RABEPK: variants seen among roughly 807,000 people sequenced by gnomAD.
RABEPK encodes the protein 40 kDa Rab9 effector protein.
In RABEPK, 27 loss-of-function variants were observed where a neutral mutation model predicts 34.1. The observed-to-expected ratio is 0.79, with a 90% confidence interval of 0.58 to 1.09. RABEPK has a LOEUF of 1.09. RABEPK is among the 50% of genes least tolerant of loss of function. RABEPK has a pLI of 0.00. For synonymous variants in RABEPK, 172 were observed against 169.2 expected, an observed-to-expected ratio of 1.02 and a Z score of -0.13; for missense variants, 449 against 462.6, an observed-to-expected ratio of 0.97 and a Z score of 0.27.
chr9:125,210,892 C>T (rs1830551123), intron 3 of RABEPK, among the ~76,000 whole-genome samples: 1 of 141,178 alleles, frequency 7.1e-6, no homozygotes, highest in Non-Finnish European at 1.5e-5. Context: ...GGCTGGAGTG[C>T]AGAGGCACGA....
At chr9:125,232,347 T>A (rs1380790034) in intron 6 of RABEPK, among the ~76,000 whole-genome samples, 1 of 152,160 alleles carries the variant, frequency 6.6e-6, no homozygotes, top group Non-Finnish European at 1.5e-5. Flanking sequence ...CACATTTCTG[T>A]GTGATCCAAA....
At chr9:125,224,507 C>T (rs1423560526) in intron 5 of RABEPK, among the ~76,000 whole-genome samples, 4 of 147,210 alleles carry the variant, frequency 2.7e-5, no homozygotes, top group Non-Finnish European at 3.0e-5. Flanking sequence ...GGCTGGAGTG[C>T]AATGACACAA....
intron 1 of RABEPK, 63 bp from the exon 2 acceptor site, chr9:125,202,945 G>A (rs1165890971): frequency 1.5e-6 from 2 of 1,335,526 alleles, no homozygotes; most frequent in Non-Finnish European, 2.1e-6. Flanking sequence ...TTAAAAAGGA[G>A]GTTGAATTGA....
chr9:125,219,859 T>G (rs1351205321), intron 4 of RABEPK, among the ~76,000 whole-genome samples: 1 of 152,066 alleles, frequency 6.6e-6, no homozygotes, highest in African/African-American at 2.4e-5. Flanking sequence ...TGGCCACATT[T>G]TCTGGGAAAT....
At position 125,228,040 on chromosome 9, in the gene RABEPK, C is replaced by A. The variant is rs372608727; in HGVS notation, c.657C>A (p.Asp219Glu). The change falls in exon 6 of 8, where the codon GAC (aspartate) becomes GAA (glutamate). Residue 219 changes from aspartate (D) to glutamate (E), a missense_variant. Coordinates refer to ENST00000373538, the MANE Select transcript of RABEPK (RefSeq NM_005833.4). ...TGGCGGGGGACAGATTCTATGATGACCTCCACTGCATTGATATAAGTAAGC... is the reference window on the plus strand; with the variant it reads ...TGGCGGGGGACAGATTCTATGATGAACTCCACTGCATTGATATAAGTAAGC... ...GGLAGDRFYD[D>E]LHCIDISDMK... 4 of 1,598,538 alleles carry A rather than the reference C, an allele frequency of 2.5e-6. No homozygotes were observed. The highest frequency in any genetic ancestry group is 2.3e-5 in the East Asian group (1 of 43,926).
chr9:125,207,013 CG>C (rs1481473983), intron 2 of RABEPK, among the ~76,000 whole-genome samples: 42 of 151,354 alleles, frequency 2.8e-4, no homozygotes, highest in South Asian at 1.5e-3. Flanking sequence ...CGCTTGAACC[CG>C]GGAGGCGGAG....
chr9:125,220,364 T>A (rs1831237103), intron 4 of RABEPK, 175 bp from the exon 5 acceptor site: 2 of 1,461,772 alleles, frequency 1.4e-6, no homozygotes, highest in Admixed American at 5.5e-5. Context: ...TCTTGGCAAA[T>A]CCTAAGTATC....
intron 2 of RABEPK, among the ~76,000 whole-genome samples, chr9:125,207,303 C>T (rs1374502300): frequency 1.3e-5 from 2 of 152,118 alleles, no homozygotes; most frequent in Admixed American, 1.3e-4. Flanking sequence ...GTTTCCCTAT[C>T]TACCAAATGG....
intron 6 of RABEPK, 127 bp from the exon 7 acceptor site, chr9:125,232,469 G>A: frequency 9.5e-7 from 1 of 1,058,166 alleles, no homozygotes; most frequent in Non-Finnish European, 1.3e-6. Context: ...ATTCTTATGT[G>A]CACTAAACCT....
chr9:125,207,467 C>A, intron 2 of RABEPK, 97 bp from the exon 3 acceptor site: 2 of 1,298,284 alleles, frequency 1.5e-6, no homozygotes, highest in South Asian at 1.3e-5. Flanking sequence ...CTGCATAAGG[C>A]TCTTCATTCT....
Position 125,212,994 on chromosome 9 carries a change from A to G in RABEPK, c.212-376A>G, listed in dbSNP as rs1450276054. Reference sequence around the variant, plus strand: ...ATACAGGCGTGTTTCAAAGAATTCAAGGACAGGAAGTAGAGCCCAGGATCA... The same window carrying G: ...ATACAGGCGTGTTTCAAAGAATTCAGGGACAGGAAGTAGAGCCCAGGATCA... On this transcript the variant is annotated intron_variant, in intron 3 of 7. Coordinates refer to ENST00000373538, the MANE Select transcript of RABEPK (RefSeq NM_005833.4). 3.3e-5 allele frequency among the ~76,000 whole-genome samples: 5 copies of G among 152,148 alleles called. No individual in the cohort carries two copies. The East Asian group carries it at 9.6e-4, about 29-fold the overall frequency.
At chr9:125,223,288 A>C (rs1451453177) in intron 5 of RABEPK, among the ~76,000 whole-genome samples, 1 of 151,640 alleles carries the variant, frequency 6.6e-6, no homozygotes, top group Admixed American at 6.6e-5. Flanking sequence ...AAATACAAAA[A>C]ATTAGCTGGA....
intron 7 of RABEPK, 99 bp from the exon 8 acceptor site, chr9:125,233,589 G>T: frequency 7.9e-7 from 1 of 1,272,480 alleles, no homozygotes; most frequent in Admixed American, 2.1e-5. Flanking sequence ...TGATCCACCC[G>T]CTTCGGCCTC....
intron 3 of RABEPK, among the ~76,000 whole-genome samples, chr9:125,212,223 TTTTGTTTG>T (rs941360051): frequency 3.1e-4 from 47 of 151,990 alleles, no homozygotes; most frequent in Non-Finnish European, 5.9e-4. Flanking sequence ...GGTTAGGGTT[TTTTGTTTG>T]TTTGTTTGTT....
At chr9:125,205,515 A>G (rs1248917371) in intron 2 of RABEPK, among the ~76,000 whole-genome samples, 1 of 152,140 alleles carries the variant, frequency 6.6e-6, no homozygotes, top group Admixed American at 6.6e-5. Flanking sequence ...TGTCTTTGAA[A>G]CGGAGTCTCA....
chr9:125,219,777 C>T (rs76441998), intron 4 of RABEPK, among the ~76,000 whole-genome samples: 2,001 of 152,200 alleles, frequency 0.013, 22 homozygotes, highest in Non-Finnish European at 0.02. Flanking sequence ...AGCAATCCTC[C>T]TACCTCGATT....
Position 125,234,012 on chromosome 9 carries a change from C to T in RABEPK, c.*32C>T, listed in dbSNP as rs879052521. On this transcript the variant is annotated 3_prime_UTR_variant, in exon 8 of 8. Transcript: ENST00000373538. The stretch of plus-strand genomic sequence containing the variant: ...CCACATTTTTATTACCTGTCAGTTA[C>T]TTTCAGAATAGTTAAGTAAAACATT... 1 of 1,524,704 alleles carries T rather than the reference C, an allele frequency of 6.6e-7. No homozygotes were observed. Among genetic ancestry groups the T allele is most frequent in the Admixed American group, 1.8e-5 (1 of 55,402 alleles). The allele number at this position is 1,524,704 out of a possible 1,614,324, so 94.4% of individuals were successfully genotyped here. A position where few individuals can be genotyped will look rare whatever the true frequency, so the allele number is the denominator to read the frequency against.
In RABEPK at chr9:125,230,301, A is replaced by G. The variant is rs576221533; in HGVS notation, c.676+2242A>G. Among the ~76,000 whole-genome samples the G allele has an allele frequency of 5.3e-5, 8 of 152,148 alleles. No individual in the cohort carries two copies. In the South Asian group the frequency reaches 1.7e-3, roughly 32 times the overall value. ...TGAGTGGAGGGATGAAGAAATGAAC[A>G]TGTTCTGCATTGCTCCAGACTACAA... is the stretch of plus-strand genomic sequence containing the variant. On this transcript the variant is annotated intron_variant, in intron 6 of 7. Coordinates refer to ENST00000373538, the MANE Select transcript of RABEPK (RefSeq NM_005833.4).
rs183119345 is a variant in RABEPK at position 125,218,495 on chromosome 9, C to T, written c.365-2044C>T. 6.6e-5 allele frequency among the ~76,000 whole-genome samples: 10 copies of T among 152,260 alleles called. No homozygotes were observed. In the East Asian group the frequency reaches 1.7e-3, roughly 26 times the overall value. ...GCTTGAGTGAAGACACCAGGGATGG[C>T]AGTGCCCAGGGCAATGATGCTGCCC... On this transcript the variant is annotated intron_variant, in intron 4 of 7. Coordinates refer to ENST00000373538, the MANE Select transcript of RABEPK (RefSeq NM_005833.4).
Sources: allele counts gnomAD v4.1 joint callset (sites outside exome capture counted in the v4.1 genomes callset), GRCh38; gene constraint gnomAD v4.1.1; transcripts MANE v1.5; gene names NCBI Gene and HGNC (gene_info 2026-07-23, HGNC 2026-07-21).